The following CHLSN variants were observed in gnomAD, a reference collection of about 807,000 sequenced individuals.
CHLSN encodes the protein protein cholesin.
At chr7:997,906 T>TTCCG in the CHLSN span, 8 of 1,134,986 alleles carry the variant, frequency 7.0e-6, no homozygotes, top group Non-Finnish European at 1.0e-5. Flanking sequence ...GGCCTCAGGC[T>TTCCG]TCCGTCCTCC....
At chr7:1,129,839 G>A in the CHLSN span, among the ~76,000 whole-genome samples, 5 of 152,312 alleles carry the variant, frequency 3.3e-5, no homozygotes, top group East Asian at 7.7e-4. Flanking sequence ...AACACAAAGC[G>A]TTTAAGATTA....
the CHLSN span, among the ~76,000 whole-genome samples, chr7:1,004,296 A>C: frequency 2.3e-4 from 35 of 152,036 alleles, no homozygotes; most frequent in Admixed American, 6.5e-4. Flanking sequence ...TTGGCATCTC[A>C]GCTCTGCCAC....
the CHLSN span, among the ~76,000 whole-genome samples, chr7:1,134,956 A>C: frequency 6.6e-6 from 1 of 152,122 alleles, no homozygotes; most frequent in Non-Finnish European, 1.5e-5. Flanking sequence ...CCATCCCATC[A>C]GGCTTTTGCC....
chr7:1,119,875 C>CAAAA, the CHLSN span, among the ~76,000 whole-genome samples: 522 of 117,862 alleles, frequency 4.4e-3, 3 homozygotes, highest in African/African-American at 0.014. Context: ...GAAACTCCGT[C>CAAAA]AAAAAAAAAA....
chr7:1,023,671 A>ACC, the CHLSN span, among the ~76,000 whole-genome samples: 1 of 100,226 alleles, frequency 1.0e-5, no homozygotes, highest in African/African-American at 3.5e-5. This position sits in a 1 kb window ranked among gnomAD's most constrained non-coding sequence, Gnocchi z 5.0. Flanking sequence ...ACACACACAC[A>ACC]CACACACCAG....
At chr7:1,073,183 T>A in the CHLSN span, among the ~76,000 whole-genome samples, 1 of 152,032 alleles carries the variant, frequency 6.6e-6, no homozygotes, top group Admixed American at 6.5e-5. Flanking sequence ...CTGGCCTCTT[T>A]CTCACCCACT....
chr7:987,639 C>A, the CHLSN span: 2 of 1,112,742 alleles, frequency 1.8e-6, no homozygotes, highest in Non-Finnish European at 2.5e-6. Flanking sequence ...GATGGCCCAG[C>A]GCTCCCCGAC....
chr7:1,092,111 T>C, the CHLSN span: 1 of 1,613,674 alleles, frequency 6.2e-7, no homozygotes, highest in African/African-American at 1.3e-5. Context: ...GACATCGCCG[T>C]CCTGTGCACC....
chr7:984,674 C>T, the CHLSN span: 2 of 1,462,546 alleles, frequency 1.4e-6, no homozygotes, highest in African/African-American at 2.9e-5. Flanking sequence ...CCCAGGGTGG[C>T]CTGGGGAAGA....
the CHLSN span, chr7:988,209 CT>C: frequency 4.7e-6 from 7 of 1,495,220 alleles, no homozygotes; most frequent in Admixed American, 8.8e-5. Flanking sequence ...TGGAATGAAA[CT>C]TCCCAACCCA....
At chr7:1,078,155 T>C in the CHLSN span, 1 of 152,178 alleles carries the variant, frequency 6.6e-6, no homozygotes, top group Non-Finnish European at 1.5e-5. Context: ...CTGCGGACAG[T>C]CAGAAAACAC....
the CHLSN span, among the ~76,000 whole-genome samples, chr7:1,012,441 C>T: frequency 3.3e-5 from 5 of 152,260 alleles, no homozygotes; most frequent in Admixed American, 6.5e-5. Flanking sequence ...AGCTGTTTCC[C>T]GCAGGCTTCC....
chr7:1,118,871 A>G, the CHLSN span, among the ~76,000 whole-genome samples: 1 of 151,830 alleles, frequency 6.6e-6, no homozygotes, highest in Non-Finnish European at 1.5e-5. Flanking sequence ...TTTTAAAAAA[A>G]CTAAAGTATT....
the CHLSN span, among the ~76,000 whole-genome samples, chr7:1,029,648 C>T: frequency 6.6e-6 from 1 of 152,190 alleles, no homozygotes; most frequent in Non-Finnish European, 1.5e-5. Flanking sequence ...GGTTCCAGGG[C>T]GAGGAGAGGC....
chr7:1,071,744 G>C, the CHLSN span, among the ~76,000 whole-genome samples: 1 of 152,194 alleles, frequency 6.6e-6, no homozygotes, highest in Non-Finnish European at 1.5e-5. Context: ...TCAGTCAAGT[G>C]ACCACATTCG....
At chr7:1,103,211 C>T in the CHLSN span, among the ~76,000 whole-genome samples, 1 of 152,196 alleles carries the variant, frequency 6.6e-6, no homozygotes, top group African/African-American at 2.4e-5. Context: ...CCAAACTAAA[C>T]CTCCTCCCAC....
the CHLSN span, among the ~76,000 whole-genome samples, chr7:1,079,850 T>C: frequency 2.9e-4 from 44 of 152,340 alleles, no homozygotes; most frequent in South Asian, 2.1e-3. Flanking sequence ...CTAGAACCTC[T>C]CTGAAGGGTT....
At chr7:1,049,361 G>A in the CHLSN span, among the ~76,000 whole-genome samples, 1,910 of 152,332 alleles carry the variant, frequency 0.013, 25 homozygotes, top group Admixed American at 0.02. Flanking sequence ...ACCCTCTTGT[G>A]CTTCACATGG....
At chr7:1,060,402 C>A in the CHLSN span, among the ~76,000 whole-genome samples, 874 of 152,270 alleles carry the variant, frequency 5.7e-3, 11 homozygotes, top group African/African-American at 0.02. Context: ...TGGGAGCTGC[C>A]CTGAGCGCCC....
Sources: allele counts gnomAD v4.1 joint callset (sites outside exome capture counted in the v4.1 genomes callset), GRCh38; gene constraint gnomAD v4.1.1; non-coding constraint Gnocchi (gnomAD v3.1); transcripts MANE v1.5; gene names NCBI Gene and HGNC (gene_info 2026-07-23, HGNC 2026-07-21).